The following LMO7 variants were observed in gnomAD, a reference collection of about 807,000 sequenced individuals.
LMO7 encodes LIM domain only protein 7.
LMO7 carries 120 observed loss-of-function variants against 206.5 expected under a neutral mutation model. That is an observed-to-expected ratio of 0.58 (90% CI 0.50 to 0.68). LMO7 has a LOEUF of 0.68. Ranked by LOEUF, LMO7 falls within the 30% of genes least tolerant of loss-of-function variation. LMO7 has a pLI of 0.00. For missense variants in LMO7, 1,959 were observed against 1,957.9 expected (o/e 1.00, Z -0.01); for synonymous variants, 706 against 681.5 (o/e 1.04, Z -0.56).
chr13:75,797,381 A>G (rs1420414370), intron 6 of LMO7, among the ~76,000 whole-genome samples: 3 of 152,224 alleles, frequency 2.0e-5, no homozygotes, highest in African/African-American at 7.2e-5. Flanking sequence ...CAGAGAGCCA[A>G]GTGCCAGGAC....
intron 7 of LMO7, among the ~76,000 whole-genome samples, chr13:75,802,951 G>A (rs1362670146): frequency 6.6e-6 from 1 of 152,072 alleles, no homozygotes; most frequent in East Asian, 1.9e-4. Context: ...ATTCTCTGCA[G>A]GACACCGTAC....
intron 1 of LMO7, among the ~76,000 whole-genome samples, chr13:75,651,346 G>A (rs1345649355): frequency 1.5e-5 from 2 of 133,746 alleles, no homozygotes; most frequent in Admixed American, 8.1e-5. Context: ...GTCTCACTTT[G>A]TCACCCAGAC....
chr13:75,717,091 C>T (rs185250656), intron 2 of LMO7, among the ~76,000 whole-genome samples: 59 of 152,022 alleles, frequency 3.9e-4, no homozygotes, highest in African/African-American at 1.3e-3. Flanking sequence ...CGGCCGGGCG[C>T]GGTGGCTCAC....
At chr13:75,736,837 C>G (rs548277061) in intron 3 of LMO7, among the ~76,000 whole-genome samples, 1 of 152,308 alleles carries the variant, frequency 6.6e-6, no homozygotes, top group East Asian at 1.9e-4. Flanking sequence ...CTGAGCCAGA[C>G]TTGTCATACT....
At position 75,857,959 on chromosome 13, in the gene LMO7, GA is replaced by G. The variant is rs756255141; in HGVS notation, c.*19del. ...CGCCATGTGATGTAAGCCTCCATAC[GA>G]AAGCACTGTTGCAGATAGAAGAAGA... On this transcript the variant is annotated 3_prime_UTR_variant, in exon 31 of 31. Coordinates refer to ENST00000377534, the MANE Select transcript of LMO7 (RefSeq NM_001306080.2). 2 of 1,609,532 alleles carry G rather than the reference GA, an allele frequency of 1.2e-6. No homozygotes were observed. The highest frequency in any genetic ancestry group is 8.5e-7 in the Non-Finnish European group (1 of 1,177,678).
intron 2 of LMO7, among the ~76,000 whole-genome samples, chr13:75,725,115 A>T (rs909101529): frequency 1.3e-5 from 2 of 152,038 alleles, no homozygotes; most frequent in African/African-American, 4.8e-5. Flanking sequence ...CCAAATTGAG[A>T]GTAGGTTGTG....
At chr13:75,663,095 G>GTCAT (rs1188733837) in intron 1 of LMO7, among the ~76,000 whole-genome samples, 1 of 151,836 alleles carries the variant, frequency 6.6e-6, no homozygotes, top group Non-Finnish European at 1.5e-5. Flanking sequence ...TTTCCCATGG[G>GTCAT]TCATTGTAGT....
rs1216188179 is a variant in LMO7, at chr13:75,807,676, G to T, written c.1393G>T (p.Val465Phe). 2 of 1,613,976 alleles carry T rather than the reference G, an allele frequency of 1.2e-6. No homozygotes were observed. The highest frequency in any genetic ancestry group is 1.7e-6 in the Non-Finnish European group (2 of 1,179,886). Residue 465 changes from valine (V) to phenylalanine (F), a missense_variant, in exon 10 of 31, where the codon GTC becomes TTC. Coordinates refer to ENST00000377534, the MANE Select transcript of LMO7 (RefSeq NM_001306080.2). Reference protein sequence around the residue: ...DPDLENDDFFVRKTGAFHANP... With the variant: ...DPDLENDDFFFRKTGAFHANP... Reference sequence around the variant, plus strand: ...TGACTTAGAGAATGATGATTTCTTTGTCAGAAAGACTGGGGCTTTCCATGC... The same window carrying T: ...TGACTTAGAGAATGATGATTTCTTTTTCAGAAAGACTGGGGCTTTCCATGC...
intron 7 of LMO7, among the ~76,000 whole-genome samples, chr13:75,801,625 T>G (rs1392795858): frequency 6.6e-6 from 1 of 152,216 alleles, no homozygotes; most frequent in Admixed American, 6.5e-5. Flanking sequence ...GCGTCAGCAA[T>G]TTCTGAGTGT....
At chr13:75,767,381 C>CA (rs149318496) in intron 4 of LMO7, among the ~76,000 whole-genome samples, 1,647 of 152,022 alleles carry the variant, frequency 0.011, 18 homozygotes, top group Non-Finnish European at 0.015. Context: ...GGTAGAAGCT[C>CA]AAGGGCAAAG....
chr13:75,821,526 A>G lies in LMO7; in HGVS notation c.2557A>G (p.Thr853Ala). ...CCCCAGAAGTTACCGGAAAACTGAT[A>G]CAGTCAGGTTAACATCTGTGGTCAC... The part of the protein sequence containing the change: ...SLPRSYRKTD[T>A]VRLTSVVTPR... The change falls in exon 14 of 31, where the codon ACA (threonine) becomes GCA (alanine). Residue 853 changes from threonine to alanine, a missense_variant. Transcript: ENST00000377534. 6.2e-7 allele frequency: 1 copy of G among 1,614,050 alleles called. No individual in the cohort carries two copies. Among genetic ancestry groups the G allele is most frequent in the Non-Finnish European group, 8.5e-7 (1 of 1,179,918 alleles).
intron 1 of LMO7, among the ~76,000 whole-genome samples, chr13:75,659,480 C>T (rs568797251): frequency 2.0e-4 from 31 of 152,188 alleles, no homozygotes; most frequent in East Asian, 5.8e-4. Flanking sequence ...AGAATCATGG[C>T]GGGAGGTGAA....
chr13:75,830,697 A>C (rs2058577757), intron 15 of LMO7, among the ~76,000 whole-genome samples: 1 of 152,208 alleles, frequency 6.6e-6, no homozygotes, highest in African/African-American at 2.4e-5. Flanking sequence ...TTTCTGAGGT[A>C]AGTACAGTCC....
intron 4 of LMO7, among the ~76,000 whole-genome samples, chr13:75,764,006 C>T (rs2048533470): frequency 6.6e-6 from 1 of 152,044 alleles, no homozygotes; most frequent in South Asian, 2.1e-4. Context: ...TGTAAATTAT[C>T]CTCTTATGTG....
chr13:75,800,074 C>A (rs2054540090), intron 6 of LMO7, among the ~76,000 whole-genome samples: 1 of 152,174 alleles, frequency 6.6e-6, no homozygotes, highest in Non-Finnish European at 1.5e-5. Context: ...GATAAGCCAG[C>A]TGCCAGGACC....
At chr13:75,776,161 G>GGATATATATATATATATATATATATATA in intron 4 of LMO7, among the ~76,000 whole-genome samples, 1 of 16,876 alleles carries the variant, frequency 5.9e-5, no homozygotes, top group African/African-American at 1.6e-4. Flanking sequence ...TATATATATC[G>GGATATATATATATATATATATATATATA]GATATATATA....
chr13:75,821,109 TA>T, intron 13 of LMO7, 67 bp from the exon 14 acceptor site: 1 of 1,246,336 alleles, frequency 8.0e-7, no homozygotes, highest in Non-Finnish European at 1.1e-6. Context: ...ATGCGTTGAT[TA>T]CTCTCTCACC....
At chr13:75,733,833 A>G (rs775816449) in intron 3 of LMO7, among the ~76,000 whole-genome samples, 1 of 152,142 alleles carries the variant, frequency 6.6e-6, no homozygotes, top group African/African-American at 2.4e-5. Context: ...CAAACTTCAT[A>G]TGTTTCCTTT....
chr13:75,798,273 G>C lies in LMO7; in HGVS notation c.462+1524G>C, dbSNP rs1595089650. ...TAATCCCAGCTACTCGGGAGGCCGA[G>C]GCAGGAGAGTCGCTTGAACCTGGGA... On this transcript the variant is annotated intron_variant, in intron 6 of 30. Transcript: ENST00000377534. Among the ~76,000 whole-genome samples the C allele has an allele frequency of 2.6e-5, 4 of 152,340 alleles. No homozygotes were observed. The South Asian group carries it at 8.3e-4, about 32-fold the overall frequency.
Sources: gnomAD v4.1 joint callset for allele counts (sites outside exome capture counted in the v4.1 genomes callset) on GRCh38, gnomAD v4.1.1 for gene constraint, MANE v1.5 for transcripts, NCBI Gene and HGNC (gene_info 2026-07-23, HGNC 2026-07-21) for gene names.